RAPGEF5: variants seen among roughly 807,000 people sequenced by gnomAD.
RAPGEF5 encodes the protein M-Ras-regulated GEF.
RAPGEF5 carries 65 observed loss-of-function variants against 125.2 expected under a neutral mutation model. The observed-to-expected ratio is 0.52, with a 90% confidence interval of 0.43 to 0.64. The LOEUF (loss-of-function observed/expected upper bound fraction) is 0.64. Among genes scored for constraint, RAPGEF5 ranks in the 30% least tolerant of loss-of-function variants. RAPGEF5 has a pLI of 0.00. For synonymous variants in RAPGEF5, 391 were observed against 385.9 expected (o/e 1.01, Z -0.16); for missense variants, 958 against 1,048.1 (o/e 0.91, Z 1.19).
intron 17 of RAPGEF5, among the ~76,000 whole-genome samples, chr7:22,153,570 G>A (rs915835998): frequency 2.0e-5 from 3 of 152,082 alleles, no homozygotes; most frequent in African/African-American, 7.2e-5. Flanking sequence ...CAAAGCCATA[G>A]GAACAAGATA....
At position 22,120,105 on chromosome 7, in the gene RAPGEF5, C is replaced by A. The variant is rs1439270828; in HGVS notation, c.*2301G>T. The A allele has an allele frequency of 6.6e-6, 1 of 152,184 alleles. No homozygotes were observed. The highest frequency in any genetic ancestry group is 1.5e-5 in the Non-Finnish European group (1 of 68,040). 9.4% of individuals were successfully genotyped at this position (152,184 alleles called of 1,614,324 possible). ...GCAGAGATTTTAGACATTCAGAAGA[C>A]AAGGATGGAAAAGCAAATCTTGACT... On this transcript the variant is annotated 3_prime_UTR_variant, in exon 26 of 26. Coordinates refer to ENST00000665637, the MANE Select transcript of RAPGEF5 (RefSeq NM_012294.5). The surrounding 1 kb of genome is among the most constrained non-coding windows in gnomAD (Gnocchi z 4.0).
intron 9 of RAPGEF5, among the ~76,000 whole-genome samples, chr7:22,207,364 T>C (rs962239523): frequency 2.6e-5 from 4 of 152,196 alleles, no homozygotes; most frequent in African/African-American, 4.8e-5. Flanking sequence ...TTGCGCGTTA[T>C]AGTTTATAAT....
intron 7 of RAPGEF5, among the ~76,000 whole-genome samples, chr7:22,263,809 T>A (rs563833831): frequency 3.4e-4 from 51 of 151,962 alleles, no homozygotes; most frequent in African/African-American, 1.2e-3. Flanking sequence ...AGAATTAAAA[T>A]TAAAATTAAA....
At chr7:22,186,213 T>C (rs1392138625) in intron 11 of RAPGEF5, among the ~76,000 whole-genome samples, 3 of 152,218 alleles carry the variant, frequency 2.0e-5, no homozygotes, top group East Asian at 3.8e-4. Flanking sequence ...AAGGCTGATA[T>C]CCTTATCAAA....
chr7:22,231,565 G>C (rs1289341453), intron 7 of RAPGEF5, among the ~76,000 whole-genome samples: 1 of 152,132 alleles, frequency 6.6e-6, no homozygotes, highest in Non-Finnish European at 1.5e-5. Flanking sequence ...GCCAGACTTT[G>C]GCTTATGTAT....
chr7:22,172,277 C>T (rs1784373402), intron 11 of RAPGEF5, among the ~76,000 whole-genome samples: 1 of 151,950 alleles, frequency 6.6e-6, no homozygotes, highest in South Asian at 2.1e-4. Context: ...CACACACCAC[C>T]ATGCCCGGCT....
At chr7:22,329,005 G>A (rs369836989) in intron 1 of RAPGEF5, among the ~76,000 whole-genome samples, 6 of 152,222 alleles carry the variant, frequency 3.9e-5, no homozygotes, top group Non-Finnish European at 8.8e-5. Flanking sequence ...TCCAATTTAC[G>A]TGTATTCTGC....
At chr7:22,305,136 C>T (rs1783306473) in intron 5 of RAPGEF5, among the ~76,000 whole-genome samples, 1 of 152,218 alleles carries the variant, frequency 6.6e-6, no homozygotes, top group Non-Finnish European at 1.5e-5. Flanking sequence ...TCCACTTAAT[C>T]CTTGTGTGAC....
At chr7:22,151,006 T>A (rs938068850) in intron 17 of RAPGEF5, among the ~76,000 whole-genome samples, 1 of 152,234 alleles carries the variant, frequency 6.6e-6, no homozygotes, top group East Asian at 1.9e-4. Context: ...TTATAAGCAC[T>A]TTATCCACTT....
At chr7:22,148,787 A>G (rs1228274922) in intron 18 of RAPGEF5, among the ~76,000 whole-genome samples, 1 of 152,182 alleles carries the variant, frequency 6.6e-6, no homozygotes, top group Non-Finnish European at 1.5e-5. Flanking sequence ...TGAGAAGGCC[A>G]CGTATGGGTG....
At chr7:22,212,379 T>G (rs1309759663) in intron 9 of RAPGEF5, among the ~76,000 whole-genome samples, 2 of 152,250 alleles carry the variant, frequency 1.3e-5, no homozygotes, top group African/African-American at 4.8e-5. Flanking sequence ...GAAATGTGCA[T>G]GACTCCCTAG....
intron 7 of RAPGEF5, among the ~76,000 whole-genome samples, chr7:22,240,814 C>T (rs1013529515): frequency 6.6e-6 from 1 of 152,068 alleles, no homozygotes; most frequent in Non-Finnish European, 1.5e-5. Context: ...TTAAAAAGAT[C>T]CTAGTGTACT....
intron 6 of RAPGEF5, among the ~76,000 whole-genome samples, chr7:22,290,383 G>A (rs1157492759): frequency 6.6e-6 from 1 of 152,214 alleles, no homozygotes; most frequent in Admixed American, 6.5e-5. Context: ...ACCACAGTCA[G>A]CTTTTCCTAT....
intron 5 of RAPGEF5, among the ~76,000 whole-genome samples, chr7:22,303,283 T>C (rs1263970163): frequency 6.6e-6 from 1 of 152,226 alleles, no homozygotes; most frequent in Non-Finnish European, 1.5e-5. Flanking sequence ...ATAACTGTTC[T>C]TTTTTCCCCC....
At chr7:22,324,036 C>G (rs2128156291) in intron 1 of RAPGEF5, among the ~76,000 whole-genome samples, 1 of 152,256 alleles carries the variant, frequency 6.6e-6, no homozygotes, top group African/African-American at 2.4e-5. Flanking sequence ...ATCAAAGTAT[C>G]TCCCGCCGAA....
intron 19 of RAPGEF5, among the ~76,000 whole-genome samples, chr7:22,145,771 C>T (rs936757822): frequency 6.6e-6 from 1 of 152,110 alleles, no homozygotes; most frequent in Non-Finnish European, 1.5e-5. Flanking sequence ...GCCCAAGTCC[C>T]GCTGATGATG....
chr7:22,244,533 C>T (rs1786427015), intron 7 of RAPGEF5, among the ~76,000 whole-genome samples: 1 of 152,048 alleles, frequency 6.6e-6, no homozygotes, highest in Admixed American at 6.6e-5. Flanking sequence ...AGTGATTTGT[C>T]ACTGTCTCCC....
rs535041616 is a variant in RAPGEF5, at chr7:22,203,639, C to T, written c.997-9606G>A. Among the ~76,000 whole-genome samples, 14 of 152,326 alleles carry T rather than the reference C, an allele frequency of 9.2e-5. No homozygotes were observed. In the South Asian group the frequency reaches 2.9e-3, roughly 32 times the overall value. The stretch of plus-strand genomic sequence containing the variant: ...TGGTGGTTATTTCCTTCTGCAGAGA[C>T]TCGGAGGTACATCCATTCGCCCTGG... On this transcript the variant is annotated intron_variant, in intron 9 of 25. Coordinates refer to ENST00000665637, the MANE Select transcript of RAPGEF5 (RefSeq NM_012294.5).
chr7:22,306,681 T>G (rs1258970613), intron 5 of RAPGEF5, among the ~76,000 whole-genome samples: 1 of 152,184 alleles, frequency 6.6e-6, no homozygotes, highest in Non-Finnish European at 1.5e-5. Context: ...TCTTGTAGTT[T>G]CATAGTTTGA....
Sources: gnomAD v4.1 joint callset for allele counts (sites outside exome capture counted in the v4.1 genomes callset) on GRCh38, gnomAD v4.1.1 for gene constraint, Gnocchi (gnomAD v3.1) non-coding constraint, MANE v1.5 for transcripts, NCBI Gene and HGNC (gene_info 2026-07-23, HGNC 2026-07-21) for gene names.